Variants in PCDHA6 observed in about 807,000 individuals in gnomAD.
PCDHA6 encodes protocadherin alpha-6.
A neutral mutation model predicts 60.3 loss-of-function variants in PCDHA6; 55 were observed. The observed-to-expected ratio is 0.91, with a 90% CI of 0.73 to 1.14. The LOEUF is 1.14. Among genes scored for constraint, PCDHA6 ranks in the 50% most tolerant of loss-of-function variants. PCDHA6 has a pLI of 0.00. For missense variants in PCDHA6, 1,327 were observed against 1,256.5 expected, an observed-to-expected ratio of 1.06 and a Z score of -0.85; for synonymous variants, 652 against 557.9, an observed-to-expected ratio of 1.17 and a Z score of -2.38.
At chr5:140,997,420 G>A (rs1300822693) in intron 3 of PCDHA6, among the ~76,000 whole-genome samples, 4 of 152,042 alleles carry the variant, frequency 2.6e-5, no homozygotes, top group African/African-American at 9.7e-5. Flanking sequence ...TTTCTCCTAG[G>A]CTACAAACCT....
At chr5:140,854,696 T>C (rs190246288) in intron 1 of PCDHA6, 1 of 150,200 alleles carries the variant, frequency 6.7e-6, no homozygotes, top group East Asian at 1.9e-4. Flanking sequence ...TTGTTAAGTT[T>C]TCCTTTCTTG....
chr5:140,957,327 A>G (rs1554222920), intron 1 of PCDHA6, among the ~76,000 whole-genome samples: 1 of 152,182 alleles, frequency 6.6e-6, no homozygotes, highest in East Asian at 1.9e-4. Context: ...AGCACAGTAC[A>G]GTAAGATATT....
intron 1 of PCDHA6, chr5:140,927,653 G>T: frequency 6.2e-7 from 1 of 1,614,190 alleles, no homozygotes; most frequent in Non-Finnish European, 8.5e-7. Context: ...GTGTTATTCC[G>T]AGTTCAAGCC....
At chr5:140,969,131 A>C in intron 1 of PCDHA6, 1 of 1,614,138 alleles carries the variant, frequency 6.2e-7, no homozygotes, top group African/African-American at 1.3e-5. Flanking sequence ...CTCCCTCACC[A>C]AGACCTACTG....
chr5:140,903,275 T>A (rs1313552617), intron 1 of PCDHA6, among the ~76,000 whole-genome samples: 1 of 152,210 alleles, frequency 6.6e-6, no homozygotes, highest in East Asian at 1.9e-4. Flanking sequence ...TGAGGTAGTG[T>A]CTCATTGTGC....
chr5:140,988,062 A>G (rs1032842011), intron 3 of PCDHA6, among the ~76,000 whole-genome samples: 1 of 152,114 alleles, frequency 6.6e-6, no homozygotes, highest in Non-Finnish European at 1.5e-5. Context: ...GTCAACATGA[A>G]TTTTTCTATT....
At chr5:140,848,405 C>A in intron 1 of PCDHA6, 12 of 1,329,950 alleles carry the variant, frequency 9.0e-6, no homozygotes, top group Non-Finnish European at 1.3e-5. Flanking sequence ...TGAACGATGG[C>A]GAACACAGCA....
chr5:140,836,116 G>C, intron 1 of PCDHA6: 3 of 1,613,762 alleles, frequency 1.9e-6, no homozygotes, highest in Non-Finnish European at 2.5e-6. Flanking sequence ...GGCGCAGTGA[G>C]AGAGCTTGTG....
chr5:140,953,809 G>A (rs1244835717), intron 1 of PCDHA6, among the ~76,000 whole-genome samples: 2 of 152,168 alleles, frequency 1.3e-5, no homozygotes, highest in East Asian at 1.9e-4. Context: ...GTTCTGAGGT[G>A]CATGTGCTAG....
chr5:140,917,154 T>C (rs1415714785), intron 1 of PCDHA6, among the ~76,000 whole-genome samples: 2 of 152,112 alleles, frequency 1.3e-5, no homozygotes, highest in East Asian at 1.9e-4. Flanking sequence ...TGCTGGGGGA[T>C]ATGGGAGGGG....
At chr5:140,871,482 T>C (rs535779359) in intron 1 of PCDHA6, 1 of 1,595,438 alleles carries the variant, frequency 6.3e-7, no homozygotes. Flanking sequence ...CAGGGTCAAA[T>C]CACCCCGGAC....
chr5:140,835,805 C>T (rs2150245230), intron 1 of PCDHA6: 3 of 1,613,062 alleles, frequency 1.9e-6, no homozygotes, highest in Non-Finnish European at 2.5e-6. Context: ...GCTGCCACAT[C>T]TTCACTGTGT....
chr5:141,003,623 G>C (rs572368614), intron 3 of PCDHA6, among the ~76,000 whole-genome samples: 1 of 152,240 alleles, frequency 6.6e-6, no homozygotes, highest in East Asian at 1.9e-4. Flanking sequence ...CCAGAGGGCA[G>C]TTTTTAAAGT....
rs551502223 is a variant in PCDHA6 at position 140,976,924 on chromosome 5, T to G, written c.2395-2025T>G. ...TGTAATAAAGTGCAAAATCTAGTAC[T>G]GTGTAGCTACTTAAAACATATTATA... is the stretch of plus-strand genomic sequence containing the variant. On this transcript the variant is annotated intron_variant, in intron 1 of 3. Coordinates refer to ENST00000529310, the MANE Select transcript of PCDHA6 (RefSeq NM_018909.4). 1.6e-4 allele frequency among the ~76,000 whole-genome samples: 25 copies of G among 152,364 alleles called. No homozygotes were observed. In the South Asian group the frequency reaches 5.2e-3, roughly 32 times the overall value.
Position 140,829,966 on chromosome 5 carries a change from G to A in PCDHA6, c.1875G>A (p.Gly625=). 1.2e-6 allele frequency: 2 copies of A among 1,614,002 alleles called. No homozygotes were observed. Among genetic ancestry groups the A allele is most frequent in the Non-Finnish European group, 1.7e-6 (2 of 1,179,920 alleles). ...ASSARFPFRV[G]LYTGEISTTR... is the part of the protein sequence containing the mutation. ...GCGCTCGCTTCCCGTTTCGCGTGGG[G>A]CTGTACACGGGCGAGATCAGCACCA... Residue 625 remains glycine (G), a synonymous_variant, in exon 1 of 4, where the codon GGG becomes GGA. Coordinates refer to ENST00000529310, the MANE Select transcript of PCDHA6 (RefSeq NM_018909.4).
chr5:140,866,893 A>G (rs961620387), intron 1 of PCDHA6: 1 of 152,138 alleles, frequency 6.6e-6, no homozygotes, highest in Admixed American at 6.5e-5. Context: ...ATACCCAGAT[A>G]TTAGGCTGAT....
chr5:140,886,945 A>T (rs2061235497), intron 1 of PCDHA6, among the ~76,000 whole-genome samples: 1 of 152,148 alleles, frequency 6.6e-6, no homozygotes, highest in Admixed American at 6.5e-5. Flanking sequence ...TGTTCTACAC[A>T]TTAGACATTT....
intron 1 of PCDHA6, among the ~76,000 whole-genome samples, chr5:140,880,522 T>C (rs2058372712): frequency 6.6e-6 from 1 of 152,232 alleles, no homozygotes; most frequent in South Asian, 2.1e-4. Flanking sequence ...CATCTCTCAA[T>C]GTGTGAATCA....
intron 1 of PCDHA6, chr5:140,848,980 T>C (rs1554142681): frequency 1.9e-6 from 3 of 1,599,772 alleles, no homozygotes; most frequent in Non-Finnish European, 1.7e-6. Flanking sequence ...GATGCAGATA[T>C]CGGGGAGAAC....
Sources: gnomAD v4.1 joint callset for allele counts (sites outside exome capture counted in the v4.1 genomes callset) on GRCh38, gnomAD v4.1.1 for gene constraint, MANE v1.5 for transcripts, NCBI Gene and HGNC (gene_info 2026-07-23, HGNC 2026-07-21) for gene names.